PRKN: variants seen among roughly 807,000 people sequenced by gnomAD.
The protein encoded by PRKN is parkin RBR E3 ubiquitin protein ligase, also known as E3 ubiquitin-protein ligase parkin.
A neutral mutation model predicts 59.5 loss-of-function variants in PRKN; 56 were observed. The observed-to-expected ratio is 0.94, with a 90% CI of 0.76 to 1.18. The LOEUF is 1.18. PRKN is among the 50% of genes most tolerant of loss of function. PRKN has a pLI of 0.00. For synonymous variants in PRKN, 250 were observed against 222.1 expected, an observed-to-expected ratio of 1.13 and a Z score of -1.12; for missense variants, 657 against 596.4, an observed-to-expected ratio of 1.10 and a Z score of -1.06.
chr6:162,621,159 T>C (rs181206336), intron 1 of PRKN, among the ~76,000 whole-genome samples: 3 of 152,324 alleles, frequency 2.0e-5, no homozygotes, highest in African/African-American at 4.8e-5. Flanking sequence ...TTGATGCCTA[T>C]GGTAAATTGA....
chr6:162,649,739 C>T (rs1778344355), intron 1 of PRKN, among the ~76,000 whole-genome samples: 1 of 151,994 alleles, frequency 6.6e-6, no homozygotes, highest in Non-Finnish European at 1.5e-5. Context: ...TAATGATACA[C>T]ATATGTACAG....
At chr6:161,682,499 G>T (rs962577691) in intron 7 of PRKN, among the ~76,000 whole-genome samples, 1 of 152,144 alleles carries the variant, frequency 6.6e-6, no homozygotes, top group South Asian at 2.1e-4. Flanking sequence ...ACTACCCTGG[G>T]CAGAGGCAGG....
At chr6:161,637,555 A>G (rs1475428676) in intron 7 of PRKN, among the ~76,000 whole-genome samples, 1 of 152,128 alleles carries the variant, frequency 6.6e-6, no homozygotes, top group Non-Finnish European at 1.5e-5. Context: ...CTGCAGCACG[A>G]CCTGCCTTTC....
intron 4 of PRKN, among the ~76,000 whole-genome samples, chr6:162,175,093 G>A (rs887918884): frequency 1.5e-4 from 23 of 152,070 alleles, no homozygotes; most frequent in Non-Finnish European, 5.9e-5. Flanking sequence ...TTGATTAATC[G>A]GTTACATTTG....
chr6:161,703,860 T>C (rs1250393603), intron 7 of PRKN, among the ~76,000 whole-genome samples: 2 of 126,198 alleles, frequency 1.6e-5, no homozygotes, highest in African/African-American at 3.4e-5. Flanking sequence ...TTTTTTTTTT[T>C]TTTTTTTTTT....
chr6:162,622,431 A>AC (rs1478010616), intron 1 of PRKN, among the ~76,000 whole-genome samples: 1 of 151,708 alleles, frequency 6.6e-6, no homozygotes, highest in African/African-American at 2.4e-5. Context: ...TCATCTGCCC[A>AC]CCTTGGCCTT....
chr6:162,391,242 T>C (rs747716060), intron 2 of PRKN, among the ~76,000 whole-genome samples: 5 of 152,122 alleles, frequency 3.3e-5, no homozygotes, highest in Non-Finnish European at 5.9e-5. Flanking sequence ...GATAATTTTC[T>C]TACTGCGCAT....
At chr6:161,991,030 T>C (rs150722877) in intron 5 of PRKN, among the ~76,000 whole-genome samples, 38 of 152,256 alleles carry the variant, frequency 2.5e-4, no homozygotes, top group African/African-American at 8.7e-4. Flanking sequence ...TATATAAAGC[T>C]ATCCCCATCA....
intron 2 of PRKN, among the ~76,000 whole-genome samples, chr6:162,366,582 G>C (rs1785448052): frequency 6.6e-6 from 1 of 152,082 alleles, no homozygotes. Flanking sequence ...ATGTTTCTTT[G>C]ATCATACCTA....
At chr6:161,478,784 T>C (rs993251100) in intron 9 of PRKN, among the ~76,000 whole-genome samples, 23 of 152,224 alleles carry the variant, frequency 1.5e-4, no homozygotes, top group African/African-American at 5.5e-4. Flanking sequence ...AGGTTGAGGC[T>C]TCAGTGAGCT....
chr6:162,292,946 T>C (rs1281941108), intron 2 of PRKN, among the ~76,000 whole-genome samples: 1 of 152,138 alleles, frequency 6.6e-6, no homozygotes, highest in African/African-American at 2.4e-5. Flanking sequence ...CAGAGTCCTG[T>C]GGTCGCTGGG....
intron 3 of PRKN, among the ~76,000 whole-genome samples, chr6:162,229,077 C>A (rs1303338288): frequency 6.6e-6 from 1 of 152,182 alleles, no homozygotes; most frequent in Non-Finnish European, 1.5e-5. Context: ...ACGTATCTAC[C>A]CTTTGCTTTT....
At chr6:161,884,924 C>A (rs1380017704) in intron 6 of PRKN, among the ~76,000 whole-genome samples, 1 of 151,048 alleles carries the variant, frequency 6.6e-6, no homozygotes. Flanking sequence ...CAAAGAATAG[C>A]ACTAGACACA....
intron 7 of PRKN, among the ~76,000 whole-genome samples, chr6:161,648,722 G>C (rs932390043): frequency 6.6e-6 from 1 of 152,134 alleles, no homozygotes; most frequent in Admixed American, 6.5e-5. Context: ...TTAGGTTCAG[G>C]TGTCTGCAGT....
chr6:161,835,005 C>CACTAGGCAT (rs1170613653), intron 6 of PRKN, among the ~76,000 whole-genome samples: 1 of 152,072 alleles, frequency 6.6e-6, no homozygotes, highest in Admixed American at 6.5e-5. Flanking sequence ...GGCCTATACT[C>CACTAGGCAT]ACTAGGCATC....
At chr6:162,045,332 A>C (rs1024357972) in intron 5 of PRKN, among the ~76,000 whole-genome samples, 2 of 152,202 alleles carry the variant, frequency 1.3e-5, no homozygotes, top group Admixed American at 1.3e-4. Flanking sequence ...CTTGTAAATA[A>C]TACTTGCGTA....
intron 7 of PRKN, among the ~76,000 whole-genome samples, chr6:161,679,319 T>C (rs964352861): frequency 2.0e-5 from 3 of 152,150 alleles, no homozygotes; most frequent in Admixed American, 6.5e-5. Context: ...CTGGGGCTGC[T>C]AAAGACGCCT....
chr6:162,485,854 G>A (rs1792513374), intron 1 of PRKN, among the ~76,000 whole-genome samples: 1 of 152,210 alleles, frequency 6.6e-6, no homozygotes, highest in Admixed American at 6.5e-5. Flanking sequence ...TGCATCTTCA[G>A]TCTGGCTGGA....
intron 1 of PRKN, among the ~76,000 whole-genome samples, 165 bp downstream of exon 1, chr6:162,727,497 C>T (rs922924770): frequency 1.3e-5 from 2 of 151,538 alleles, no homozygotes; most frequent in Non-Finnish European, 2.9e-5. Flanking sequence ...GGACCCGCGT[C>T]GCTGAGCTGG....
Sources: gnomAD v4.1 joint callset for allele counts (sites outside exome capture counted in the v4.1 genomes callset) on GRCh38, gnomAD v4.1.1 for gene constraint, MANE v1.5 for transcripts, NCBI Gene and HGNC (gene_info 2026-07-23, HGNC 2026-07-21) for gene names.